OTUB1: variants seen among roughly 807,000 people sequenced by gnomAD.
OTUB1 encodes the protein OTU deubiquitinase, ubiquitin aldehyde binding 1.
In OTUB1, 10 loss-of-function variants were observed where a neutral mutation model predicts 35.8. The observed-to-expected ratio is 0.28, with a 90% confidence interval of 0.17 to 0.47. The LOEUF is 0.47. OTUB1 is among the 20% of genes least tolerant of loss of function. The pLI is 0.99. For missense variants in OTUB1, 264 were observed against 351.6 expected, an observed-to-expected ratio of 0.75 and a Z score of 1.99; for synonymous variants, 158 against 143.8, an observed-to-expected ratio of 1.10 and a Z score of -0.71.
At chr11:63,993,924 C>G (rs1180521546) in intron 3 of OTUB1, among the ~76,000 whole-genome samples, 2 of 152,094 alleles carry the variant, frequency 1.3e-5, no homozygotes, top group South Asian at 2.1e-4. Context: ...CCCAGGAGTT[C>G]GAGACCAGCC....
intron 2 of OTUB1, 87 bp downstream of exon 2, chr11:63,988,485 C>T: frequency 7.1e-7 from 1 of 1,415,166 alleles, no homozygotes; most frequent in East Asian, 2.4e-5. Flanking sequence ...TATTGTCTGT[C>T]TCTACTTTGG....
chr11:63,995,824 C>A (rs1246165835), intron 3 of OTUB1, among the ~76,000 whole-genome samples: 1 of 151,996 alleles, frequency 6.6e-6, no homozygotes, highest in Non-Finnish European at 1.5e-5. Flanking sequence ...GGGGAGGGTG[C>A]CCAGGCCAGG....
Position 63,997,392 on chromosome 11 carries a change from T to C in OTUB1, c.662T>C (p.Ile221Thr). 1.9e-6 allele frequency: 3 copies of C among 1,614,068 alleles called. No homozygotes were observed. The highest frequency in any genetic ancestry group is 1.1e-5 in the South Asian group (1 of 91,084). The change falls in exon 7 of 7, where the codon ATT becomes ACT. Residue 221 changes from isoleucine (I) to threonine (T), a missense_variant. Transcript: ENST00000538426. Reference sequence around the variant, plus strand: ...AAGGAGAGCGACCACATCCACATCATTGCGCTGGCCCAGGCCCTCAGCGTG... The same window carrying C: ...AAGGAGAGCGACCACATCCACATCACTGCGCTGGCCCAGGCCCTCAGCGTG... ...MCKESDHIHIIALAQALSVSI... is the reference protein window; with the variant it reads ...MCKESDHIHITALAQALSVSI...
chr11:63,992,865 T>C (rs1371985674), intron 3 of OTUB1, among the ~76,000 whole-genome samples: 3 of 152,126 alleles, frequency 2.0e-5, no homozygotes, highest in Admixed American at 1.3e-4. Flanking sequence ...TTTGTATTTT[T>C]AGTAGAGGCG....
rs1565183708 is a variant in OTUB1 at position 63,986,617 on chromosome 11, G to A, written c.58+103G>A. ...AGGCAGGGCCGCTGGCTCTGGGGTC[G>A]AGGTGCGCGAGGGGTCCCTTCCTCC... On this transcript the variant is annotated intron_variant, in intron 1 of 6. Coordinates refer to ENST00000538426, the MANE Select transcript of OTUB1 (RefSeq NM_017670.3). 4 of 953,718 alleles carry A rather than the reference G, an allele frequency of 4.2e-6. No individual in the cohort carries two copies. In the South Asian group the frequency reaches 6.7e-5, roughly 16 times the overall value. The allele number at this position is 953,718 out of a possible 1,614,324, so 59.1% of individuals were successfully genotyped here.
chr11:63,997,599 C>T lies in OTUB1; in HGVS notation c.*53C>T. Reference sequence around the variant, plus strand: ...CTGCCCCCCTCTGCCAGGCGCTAGACATGTACAGAGGTTTTTCTGTGGTTG... The same window carrying T: ...CTGCCCCCCTCTGCCAGGCGCTAGATATGTACAGAGGTTTTTCTGTGGTTG... On this transcript the variant is annotated 3_prime_UTR_variant, in exon 7 of 7. Coordinates refer to ENST00000538426, the MANE Select transcript of OTUB1 (RefSeq NM_017670.3). 6.6e-7 allele frequency: 1 copy of T among 1,505,470 alleles called. No individual in the cohort carries two copies. Among genetic ancestry groups the T allele is most frequent in the Non-Finnish European group, 9.2e-7 (1 of 1,083,934 alleles). The allele number at this position is 1,505,470 out of a possible 1,614,324, so 93.3% of individuals were successfully genotyped here.
In OTUB1 at chr11:63,998,183, A is replaced by G. The variant is rs1393213934; in HGVS notation, c.*637A>G. On this transcript the variant is annotated 3_prime_UTR_variant, in exon 7 of 7. Transcript: ENST00000538426. Reference sequence around the variant, plus strand: ...GGCAGCCTTCAAACGTGTGGGGTCTACAGTCCTCAGGTCTAGGCAGGGCTG... The same window carrying G: ...GGCAGCCTTCAAACGTGTGGGGTCTGCAGTCCTCAGGTCTAGGCAGGGCTG... The G allele has an allele frequency of 1.6e-5, 4 of 248,818 alleles. No homozygotes were observed. The highest frequency in any genetic ancestry group is 2.4e-5 in the Non-Finnish European group (3 of 126,560). The allele number at this position is 248,818 out of a possible 1,614,324, so 15.4% of individuals were successfully genotyped here.
chr11:63,991,371 C>T (rs573193223), intron 3 of OTUB1, among the ~76,000 whole-genome samples: 1 of 152,302 alleles, frequency 6.6e-6, no homozygotes, highest in East Asian at 1.9e-4. Context: ...CCAAGGCCTG[C>T]CGCTCATGCT....
In OTUB1 at chr11:63,988,749, C is replaced by T. The variant is rs145589751; in HGVS notation, c.216C>T (p.Ile72=). 2.5e-6 allele frequency: 4 copies of T among 1,607,478 alleles called. No homozygotes were observed. The Admixed American group carries it at 6.7e-5, about 27-fold the overall frequency. Residue 72 remains isoleucine (I), a synonymous_variant, in exon 3 of 7, where the codon ATC becomes ATT. Transcript: ENST00000538426. Reference sequence around the variant, plus strand: ...ATGACAACATCTATCAACAGAAGATCAAGGTGGGAGCCTGGCCAGAGCGGG... The same window carrying T: ...ATGACAACATCTATCAACAGAAGATTAAGGTGGGAGCCTGGCCAGAGCGGG... ...AEDDNIYQQK[I]KDLHKKYSYI... is the part of the protein sequence containing the mutation.
chr11:63,988,255 G>A lies in OTUB1; in HGVS notation c.59-82G>A, dbSNP rs931321187. On this transcript the variant is annotated intron_variant, in intron 1 of 6. Transcript: ENST00000538426. ...TCTAAGCCTGTCTTCCTGACCCTGG[G>A]CTGCTCTTGTCCCTGGCCCAGCTGC... The A allele has an allele frequency of 5.9e-5, 66 of 1,124,836 alleles. 2 individuals are homozygous for A. The South Asian group carries it at 7.9e-4, about 13-fold the overall frequency. The allele number at this position is 1,124,836 out of a possible 1,614,324, so 69.7% of individuals were successfully genotyped here. A position where few individuals can be genotyped will look rare whatever the true frequency, so the allele number is the denominator to read the frequency against.
chr11:63,988,416 G>A lies in OTUB1; in HGVS notation c.120+18G>A. 3 of 1,552,142 alleles carry A rather than the reference G, an allele frequency of 1.9e-6. No individual in the cohort carries two copies. Among genetic ancestry groups the A allele is most frequent in the Admixed American group, 3.9e-5 (2 of 51,048 alleles). On this transcript the variant is annotated intron_variant, in intron 2 of 6. Coordinates refer to ENST00000538426, the MANE Select transcript of OTUB1 (RefSeq NM_017670.3). ...AGCAAGAGGTGAGGGGCTGCAGTGG[G>A]CGAGGGAGGCAGTGGCCAGCAGCCC...
At position 63,998,402 on chromosome 11, in the gene OTUB1, C is replaced by G; in HGVS notation, c.*856C>G. The G allele has an allele frequency of 5.6e-6, 1 of 178,580 alleles. No homozygotes were observed. Among genetic ancestry groups the G allele is most frequent in the Non-Finnish European group, 1.2e-5 (1 of 86,690 alleles). The allele number at this position is 178,580 out of a possible 1,614,324, so 11.1% of individuals were successfully genotyped here. ...GGGGCAGGCCCTCAATAAATGTGAA[C>G]TGCTGCTGCCGCCTCTGCCGTCCGC... On this transcript the variant is annotated 3_prime_UTR_variant, in exon 7 of 7. Coordinates refer to ENST00000538426, the MANE Select transcript of OTUB1 (RefSeq NM_017670.3).
At chr11:63,988,421 G>C (rs1434410706) in intron 2 of OTUB1, 23 bp downstream of exon 2, 49 of 1,550,950 alleles carry the variant, frequency 3.2e-5, no homozygotes, top group Non-Finnish European at 4.0e-5. Context: ...AGTGGGCGAG[G>C]GAGGCAGTGG....
chr11:63,992,653 C>A (rs1942683397), intron 3 of OTUB1, among the ~76,000 whole-genome samples: 1 of 152,172 alleles, frequency 6.6e-6, no homozygotes. Context: ...CGGGTTCAAG[C>A]AATTCTCCTG....
chr11:63,991,662 A>T (rs748977804), intron 3 of OTUB1, among the ~76,000 whole-genome samples: 1 of 152,082 alleles, frequency 6.6e-6, no homozygotes, highest in Non-Finnish European at 1.5e-5. Context: ...TGGCACAGAG[A>T]GTGTGCTCAC....
chr11:63,987,509 A>G (rs972162190), intron 1 of OTUB1, among the ~76,000 whole-genome samples: 14 of 152,050 alleles, frequency 9.2e-5, no homozygotes, highest in African/African-American at 3.4e-4. Context: ...CCTCTAAGAA[A>G]GGCGAGGGTA....
chr11:63,990,594 A>AAAAAAAAAT (rs1942663292), intron 3 of OTUB1: 1 of 139,242 alleles, frequency 7.2e-6, no homozygotes, highest in African/African-American at 2.7e-5. Flanking sequence ...TTAAAAAAAT[A>AAAAAAAAAT]AAAAAATAAA....
At chr11:63,987,112 C>T (rs1448929871) in intron 1 of OTUB1, 1 of 152,328 alleles carries the variant, frequency 6.6e-6, no homozygotes, top group African/African-American at 2.4e-5. Flanking sequence ...AGGAGATGGG[C>T]CTTTCAAAAA....
chr11:63,988,591 G>A (rs1423237495), intron 2 of OTUB1, 63 bp from the exon 3 acceptor site: 1 of 1,363,778 alleles, frequency 7.3e-7, no homozygotes, highest in Non-Finnish European at 1.0e-6. Context: ...TAGTTATTCT[G>A]TCTGTTAGGC....
Sources: allele counts gnomAD v4.1 joint callset (sites outside exome capture counted in the v4.1 genomes callset), GRCh38; gene constraint gnomAD v4.1.1; transcripts MANE v1.5; gene names NCBI Gene and HGNC (gene_info 2026-07-23, HGNC 2026-07-21).